The following NFATC2 variants were observed in gnomAD, a reference collection of about 807,000 sequenced individuals.
The protein encoded by NFATC2 is nuclear factor of activated T-cells, cytoplasmic 2.
A neutral mutation model predicts 87.3 loss-of-function variants in NFATC2; 22 were observed. That is an observed-to-expected ratio of 0.25 (90% CI 0.18 to 0.36). The LOEUF is 0.36. Ranked by LOEUF, NFATC2 falls within the 10% of genes least tolerant of loss-of-function variation. The pLI, the probability that NFATC2 is intolerant of heterozygous loss-of-function variation, is 1.00. For synonymous variants in NFATC2, 565 were observed against 542.2 expected (o/e 1.04, Z -0.58); for missense variants, 1,149 against 1,259.1 (o/e 0.91, Z 1.32).
At chr20:51,402,316 C>A (rs905020102) in intron 9 of NFATC2, among the ~76,000 whole-genome samples, 2 of 152,118 alleles carry the variant, frequency 1.3e-5, no homozygotes, top group African/African-American at 4.8e-5. Context: ...TATCAAGCAA[C>A]CACACGGCTT....
At chr20:51,457,815 C>T (rs1986724796) in intron 5 of NFATC2, among the ~76,000 whole-genome samples, 1 of 151,794 alleles carries the variant, frequency 6.6e-6, no homozygotes. Flanking sequence ...GTTTGAGAAG[C>T]TCTGTTCAGC....
At chr20:51,456,401 G>C (rs1986544964) in intron 5 of NFATC2, among the ~76,000 whole-genome samples, 1 of 152,144 alleles carries the variant, frequency 6.6e-6, no homozygotes, top group Non-Finnish European at 1.5e-5. Context: ...CTTGGCCAAG[G>C]ATCCATGGTG....
At chr20:51,412,551 C>A (rs1979401830) in intron 9 of NFATC2, among the ~76,000 whole-genome samples, 1 of 152,208 alleles carries the variant, frequency 6.6e-6, no homozygotes, top group Non-Finnish European at 1.5e-5. Flanking sequence ...TTTCCACCCC[C>A]AGAAACAGCC....
Position 51,562,494 on chromosome 20 carries a change from G to A in NFATC2, c.70+66C>T. 1 of 1,383,948 alleles carries A rather than the reference G, an allele frequency of 7.2e-7. No homozygotes were observed. The highest frequency in any genetic ancestry group is 1.0e-6 in the Non-Finnish European group (1 of 1,000,760). 85.7% of individuals were successfully genotyped at this position (1,383,948 alleles called of 1,614,324 possible). The stretch of plus-strand genomic sequence containing the variant: ...GGGAGCTGAAAGTGCTGCCCGGGAC[G>A]GGAGCAGCAGGAAAGGGCCGGGAGG... On this transcript the variant is annotated intron_variant, in intron 1 of 10. Transcript: ENST00000414705. The surrounding 1 kb of genome is among the most constrained non-coding windows in gnomAD (Gnocchi z 5.8).
chr20:51,413,800 T>C (rs968107031), intron 9 of NFATC2, among the ~76,000 whole-genome samples: 1 of 152,052 alleles, frequency 6.6e-6, no homozygotes, highest in African/African-American at 2.4e-5. Context: ...AAAACAAAAC[T>C]AAAGAACATG....
chr20:51,398,492 G>T (rs1987562775), intron 10 of NFATC2, among the ~76,000 whole-genome samples, 151 bp downstream of exon 10: 1 of 151,922 alleles, frequency 6.6e-6, no homozygotes, highest in Non-Finnish European at 1.5e-5. Flanking sequence ...CACTTCAGGA[G>T]TGGAGGGGTC....
chr20:51,391,549 C>T, intron 10 of NFATC2, 98 bp from the exon 11 acceptor site: 1 of 1,298,628 alleles, frequency 7.7e-7, no homozygotes, highest in East Asian at 2.3e-5. Flanking sequence ...CTCTATTGGG[C>T]TATTGATTTT....
chr20:51,561,472 AAAG>A (rs1344121831), intron 1 of NFATC2, among the ~76,000 whole-genome samples: 1 of 137,432 alleles, frequency 7.3e-6, no homozygotes, highest in Non-Finnish European at 1.6e-5. Flanking sequence ...AGAAAGAAAG[AAAG>A]AAAGAAAGAA....
rs565711809 is a variant in NFATC2 at position 51,458,137 on chromosome 20, G to A, written c.1709-3449C>T. On this transcript the variant is annotated intron_variant, in intron 5 of 10. Transcript: ENST00000371564. Reference sequence around the variant, plus strand: ...AGCGATCTGCCTGCCTCGGCCTCCCGAAGTGTTGGGATTATAGGCACGAGC... The same window carrying A: ...AGCGATCTGCCTGCCTCGGCCTCCCAAAGTGTTGGGATTATAGGCACGAGC... Among the ~76,000 whole-genome samples the A allele has an allele frequency of 3.6e-3, 550 of 152,206 alleles. 2 individuals carry two copies. The highest frequency in any genetic ancestry group is 0.012 in the African/African-American group (511 of 41,534).
At chr20:51,483,000 CCAG>C (rs1989393960) in intron 3 of NFATC2, among the ~76,000 whole-genome samples, 3 of 152,196 alleles carry the variant, frequency 2.0e-5, no homozygotes, top group African/African-American at 7.2e-5. Context: ...CTATCAAGGT[CCAG>C]CAAATGCAAG....
intron 9 of NFATC2, among the ~76,000 whole-genome samples, chr20:51,428,014 A>C (rs535158808): frequency 8.5e-5 from 13 of 152,318 alleles, no homozygotes; most frequent in African/African-American, 2.9e-4. Flanking sequence ...TCCAGCACAG[A>C]GTAGACAGCC....
chr20:51,435,022 G>A (rs145745687), intron 8 of NFATC2, among the ~76,000 whole-genome samples, 166 bp downstream of exon 8: 33 of 152,210 alleles, frequency 2.2e-4, no homozygotes, highest in Admixed American at 7.2e-4. Context: ...TTTAATTTCC[G>A]GAACCCTTAT....
At chr20:51,494,700 G>A (rs991912046) in intron 3 of NFATC2, among the ~76,000 whole-genome samples, 1 of 152,202 alleles carries the variant, frequency 6.6e-6, no homozygotes, top group Non-Finnish European at 1.5e-5. Context: ...GTGGCAGAGA[G>A]GTGACAGGCT....
intron 9 of NFATC2, among the ~76,000 whole-genome samples, chr20:51,403,072 C>T (rs146146978): frequency 2.0e-5 from 3 of 152,326 alleles, no homozygotes; most frequent in Non-Finnish European, 4.4e-5. Flanking sequence ...CACATTCTCC[C>T]GAAGCCCAAC....
chr20:51,387,456 ACT>A lies in NFATC2; in HGVS notation c.*4038_*4039del, dbSNP rs1331474963. On this transcript the variant is annotated 3_prime_UTR_variant, in exon 11 of 11. Coordinates refer to ENST00000371564, the MANE Select transcript of NFATC2 (RefSeq NM_012340.5). ...CAGGACCCTGATGGCTCAGGGAGCAACTCTCTGTTATCAACCACCAGAAAAGT... is the reference window on the plus strand; with the variant it reads ...CAGGACCCTGATGGCTCAGGGAGCAACTCTGTTATCAACCACCAGAAAAGT... 6 of 152,264 alleles carry A rather than the reference ACT, an allele frequency of 3.9e-5. No homozygotes were observed. The highest frequency in any genetic ancestry group is 9.6e-5 in the African/African-American group (4 of 41,558). The allele number at this position is 152,264 out of a possible 1,614,324, so 9.4% of individuals were successfully genotyped here.
chr20:51,519,894 T>C (rs4809850), intron 2 of NFATC2, among the ~76,000 whole-genome samples: 122,331 of 150,042 alleles, frequency 0.82, 50,217 homozygotes, highest in African/African-American at 0.9. Flanking sequence ...CTAGCCTGGG[T>C]GACAGAGCGA....
At chr20:51,486,032 G>A (rs532329654) in intron 3 of NFATC2, among the ~76,000 whole-genome samples, 1 of 152,140 alleles carries the variant, frequency 6.6e-6, no homozygotes, top group East Asian at 1.9e-4. Context: ...CCAACATGGT[G>A]AAACCCCGTC....
chr20:51,480,080 G>T lies in NFATC2; in HGVS notation c.1333-4420C>A, dbSNP rs1405797878. 2.0e-5 allele frequency among the ~76,000 whole-genome samples: 3 copies of T among 152,098 alleles called. No homozygotes were observed. In the East Asian group the frequency reaches 5.8e-4, roughly 29 times the overall value. Reference sequence around the variant, plus strand: ...AGGTGGGCAGATCACTTGACGTCAGGAGTTCAAGACCAGCCCGGGCAACAT... The same window carrying T: ...AGGTGGGCAGATCACTTGACGTCAGTAGTTCAAGACCAGCCCGGGCAACAT... On this transcript the variant is annotated intron_variant, in intron 3 of 10. Coordinates refer to ENST00000371564, the MANE Select transcript of NFATC2 (RefSeq NM_012340.5). This position sits in a 1 kb window ranked among gnomAD's most constrained non-coding sequence, Gnocchi z 4.2.
At chr20:51,517,821 G>C (rs186662964) in intron 2 of NFATC2, among the ~76,000 whole-genome samples, 1 of 151,534 alleles carries the variant, frequency 6.6e-6, no homozygotes, top group Non-Finnish European at 1.5e-5. Flanking sequence ...GGAGGCTGAG[G>C]CATGAGAATC....
Sources: gnomAD v4.1 joint callset for allele counts (sites outside exome capture counted in the v4.1 genomes callset) on GRCh38, gnomAD v4.1.1 for gene constraint, Gnocchi (gnomAD v3.1) non-coding constraint, MANE v1.5 for transcripts, NCBI Gene and HGNC (gene_info 2026-07-23, HGNC 2026-07-21) for gene names.